TRMT61B: variants seen among roughly 807,000 people sequenced by gnomAD.
The protein encoded by TRMT61B is tRNA methyltransferase 61B.
TRMT61B carries 56 observed loss-of-function variants against 52.0 expected under a neutral mutation model. The ratio of observed to expected loss-of-function variants is 1.08; its 90% CI spans 0.87 to 1.35. TRMT61B has a LOEUF of 1.35. TRMT61B is among the 40% of genes most tolerant of loss of function. The pLI is 0.00. For missense variants in TRMT61B, 650 were observed against 577.9 expected, an observed-to-expected ratio of 1.12 and a Z score of -1.28; for synonymous variants, 206 against 220.0, an observed-to-expected ratio of 0.94 and a Z score of 0.56.
intron 2 of TRMT61B, among the ~76,000 whole-genome samples, chr2:28,864,720 C>A (rs1447626086): frequency 6.6e-6 from 1 of 151,948 alleles, no homozygotes; most frequent in African/African-American, 2.4e-5. Context: ...TTATGATCTG[C>A]ACACTTTTCT....
chr2:28,851,694 A>C (rs919929956), intron 4 of TRMT61B, among the ~76,000 whole-genome samples: 7 of 152,050 alleles, frequency 4.6e-5, no homozygotes, highest in Admixed American at 1.3e-4. Context: ...AGCCTGGCCA[A>C]CATGGTGAAA....
intron 1 of TRMT61B, among the ~76,000 whole-genome samples, chr2:28,868,011 C>T (rs1669920787): frequency 6.6e-6 from 1 of 152,088 alleles, no homozygotes; most frequent in Non-Finnish European, 1.5e-5. Flanking sequence ...GTGATTGAGC[C>T]ACTGCACTCT....
chr2:28,867,349 C>A (rs1165443955), intron 1 of TRMT61B, among the ~76,000 whole-genome samples: 1 of 152,136 alleles, frequency 6.6e-6, no homozygotes, highest in Non-Finnish European at 1.5e-5. Flanking sequence ...CCTGCCTCAG[C>A]CTCCCAAAAT....
rs143538508 is a variant in TRMT61B at position 28,853,342 on chromosome 2, A to C, written c.994-843T>G. ...AGGCAGGCGCCACCATTCTCAGCTA[A>C]CTTTTTGTATATTATGTAGATACAG... On this transcript the variant is annotated intron_variant, in intron 3 of 6. Coordinates refer to ENST00000306108, the MANE Select transcript of TRMT61B (RefSeq NM_017910.4). Among the ~76,000 whole-genome samples, 982 of 152,084 alleles carry C rather than the reference A, an allele frequency of 6.5e-3. 7 individuals are homozygous for C. The highest frequency in any genetic ancestry group is 0.011 in the Non-Finnish European group (740 of 67,984).
chr2:28,852,359 A>C, intron 4 of TRMT61B, 49 bp downstream of exon 4: 1 of 1,112,854 alleles, frequency 9.0e-7, no homozygotes, highest in Non-Finnish European at 1.3e-6. Context: ...ACTTAAGCAA[A>C]AGTGCACTTA....
intron 3 of TRMT61B, among the ~76,000 whole-genome samples, chr2:28,855,160 T>C (rs1669289665): frequency 6.6e-6 from 1 of 152,108 alleles, no homozygotes; most frequent in African/African-American, 2.4e-5. Flanking sequence ...GCAGTGGAGA[T>C]AAAAGGGGGC....
chr2:28,865,225 G>A (rs1260414055), intron 1 of TRMT61B, 106 bp from the exon 2 acceptor site: 7 of 620,478 alleles, frequency 1.1e-5, no homozygotes, highest in East Asian at 2.8e-5. Context: ...GTGAAAAAAC[G>A]AATCAGACTC....
In TRMT61B at chr2:28,852,500, C is replaced by T; in HGVS notation, c.994-1G>A. ...GAGGATTTAACATATCCAAAGCTAC[C>T]TGTGTGGGGGAAAAAGAGAACTGGA... On this transcript the variant is annotated splice_acceptor_variant, in intron 3 of 6. Coordinates refer to ENST00000306108, the MANE Select transcript of TRMT61B (RefSeq NM_017910.4). LOFTEE classifies it high-confidence loss of function. 6.3e-7 allele frequency: 1 copy of T among 1,593,952 alleles called. No individual in the cohort carries two copies. The highest frequency in any genetic ancestry group is 8.6e-7 in the Non-Finnish European group (1 of 1,167,674).
intron 2 of TRMT61B, 163 bp from the exon 3 acceptor site, chr2:28,861,471 C>T: frequency 1.6e-6 from 1 of 621,240 alleles, no homozygotes; most frequent in South Asian, 2.3e-5. Context: ...TAATCTCCCT[C>T]CCTCTTCAGA....
At position 28,850,020 on chromosome 2, in the gene TRMT61B, G is replaced by A. The variant is rs1669004517; in HGVS notation, c.*179C>T. 3 of 1,262,470 alleles carry A rather than the reference G, an allele frequency of 2.4e-6. No homozygotes were observed. Among genetic ancestry groups the A allele is most frequent in the Middle Eastern group, 1.9e-4 (1 of 5,332 alleles). The allele number at this position is 1,262,470 out of a possible 1,614,324, so 78.2% of individuals were successfully genotyped here. A position where few individuals can be genotyped will look rare whatever the true frequency, so the allele number is the denominator to read the frequency against. On this transcript the variant is annotated 3_prime_UTR_variant, in exon 7 of 7. Coordinates refer to ENST00000306108, the MANE Select transcript of TRMT61B (RefSeq NM_017910.4). The stretch of plus-strand genomic sequence containing the variant: ...TGCAAGACAAGTGTCAAAATGGGAT[G>A]TTTAAGCAGTTTTGCTATGTTATAC...
chr2:28,857,782 AAG>A (rs1491547995), intron 3 of TRMT61B, among the ~76,000 whole-genome samples: 1 of 152,180 alleles, frequency 6.6e-6, no homozygotes, highest in African/African-American at 2.4e-5. Flanking sequence ...TCTCCTCAGA[AAG>A]AGTCATTGTC....
chr2:28,863,699 AG>A (rs1332614077), intron 2 of TRMT61B, among the ~76,000 whole-genome samples: 2 of 152,202 alleles, frequency 1.3e-5, no homozygotes, highest in Non-Finnish European at 2.9e-5. Context: ...TGTACAGAAA[AG>A]TCAAACAAAA....
intron 3 of TRMT61B, among the ~76,000 whole-genome samples, chr2:28,856,227 T>C (rs1669334194): frequency 6.6e-6 from 1 of 152,256 alleles, no homozygotes; most frequent in Non-Finnish European, 1.5e-5. Flanking sequence ...TCATTTTCTT[T>C]ACCTTGAATT....
chr2:28,854,939 G>A (rs1449187137), intron 3 of TRMT61B, among the ~76,000 whole-genome samples: 1 of 151,902 alleles, frequency 6.6e-6, no homozygotes, highest in Non-Finnish European at 1.5e-5. Flanking sequence ...AAAATAAGCA[G>A]AGAAAGAGGG....
Position 28,869,858 on chromosome 2 carries a change from G to T in TRMT61B, c.420C>A (p.Ser140=). Residue 140 remains serine, a synonymous_variant, in exon 1 of 7, where the codon TCC becomes TCA. Coordinates refer to ENST00000306108, the MANE Select transcript of TRMT61B (RefSeq NM_017910.4). ...TCTCTCTGGAAGTTGAACAAGAAGG[G>T]GAGACGTGACGCTCTTCGACCTCGG... ...SATEVEERHV[S]PSCSTSRERP... The T allele has an allele frequency of 6.2e-7, 1 of 1,614,148 alleles. No homozygotes were observed. The highest frequency in any genetic ancestry group is 1.1e-5 in the South Asian group (1 of 91,070).
chr2:28,862,476 G>A (rs1400353797), intron 2 of TRMT61B, among the ~76,000 whole-genome samples: 1 of 150,960 alleles, frequency 6.6e-6, no homozygotes, highest in Admixed American at 6.6e-5. Flanking sequence ...GGGACGACAG[G>A]TGTGTGCCAC....
intron 4 of TRMT61B, among the ~76,000 whole-genome samples, chr2:28,851,904 A>G (rs1371592950): frequency 3.4e-5 from 5 of 145,480 alleles, no homozygotes; most frequent in African/African-American, 7.9e-5. Flanking sequence ...AAAAAAAACG[A>G]AAAAAGTTTA....
intron 2 of TRMT61B, chr2:28,861,986 G>C (rs1182454014): frequency 6.6e-6 from 1 of 152,080 alleles, no homozygotes; most frequent in Non-Finnish European, 1.5e-5. Context: ...GGCAGATCAT[G>C]AGGTCAGGTG....
intron 1 of TRMT61B, 96 bp from the exon 2 acceptor site, chr2:28,865,215 G>C: frequency 1.5e-6 from 1 of 651,494 alleles, no homozygotes; most frequent in East Asian, 2.8e-5. Flanking sequence ...GAAGAAGGGA[G>C]TGAAAAAACG....
Sources: allele counts gnomAD v4.1 joint callset (sites outside exome capture counted in the v4.1 genomes callset), GRCh38; gene constraint gnomAD v4.1.1; transcripts MANE v1.5; gene names NCBI Gene and HGNC (gene_info 2026-07-23, HGNC 2026-07-21).